PUF60: variants seen among roughly 807,000 people sequenced by gnomAD.
PUF60 encodes the protein poly(U)-binding-splicing factor PUF60.
Under a neutral mutation model 61.8 loss-of-function variants are expected in PUF60, and 10 were observed. The ratio of observed to expected loss-of-function variants is 0.16; its 90% CI spans 0.10 to 0.27. The LOEUF (loss-of-function observed/expected upper bound fraction) is 0.27, where lower values mean the gene tolerates loss of function less well. Ranked by LOEUF, PUF60 falls within the 10% of genes least tolerant of loss-of-function variation. The pLI is 1.00. For missense variants in PUF60, 371 were observed against 754.0 expected (o/e 0.49, Z 5.95); for synonymous variants, 353 against 300.9 (o/e 1.17, Z -1.79).
chr8:143,825,627 C>T lies in PUF60; in HGVS notation c.25-1228G>A, dbSNP rs1043268762. On this transcript the variant is annotated intron_variant, in intron 1 of 11. Coordinates refer to ENST00000526683, the MANE Select transcript of PUF60 (RefSeq NM_078480.3). Reference sequence around the variant, plus strand: ...AACCTCCGCCTCCTGGGACTCCAGGCATGCGCCGCCACACCTGGCTAATTT... The same window carrying T: ...AACCTCCGCCTCCTGGGACTCCAGGTATGCGCCGCCACACCTGGCTAATTT... Among the ~76,000 whole-genome samples the T allele has an allele frequency of 3.3e-5, 5 of 152,284 alleles. No homozygotes were observed. In the Middle Eastern group the frequency reaches 0.01, roughly 311 times the overall value.
rs1364716677 is a variant in PUF60 at position 143,818,424 on chromosome 8, G to A, written c.459C>T (p.Gly153=). ...DTIRQAFAPF[G]PIKSIDMSWD... is the part of the protein sequence containing the mutation. ...AGGACATGTCGATGCTCTTGATGGG[G>A]CCAAAGGGGGCAAAGGCCTGGCGGA... Residue 153 remains glycine (G), a synonymous_variant, in exon 6 of 12, where the codon GGC becomes GGT. Transcript: ENST00000526683. The surrounding 1 kb of genome is among the most constrained non-coding windows in gnomAD (Gnocchi z 7.9). The A allele has an allele frequency of 1.2e-6, 2 of 1,612,486 alleles. No individual in the cohort carries two copies. Among genetic ancestry groups the A allele is most frequent in the East Asian group, 4.5e-5 (2 of 44,872 alleles).
intron 5 of PUF60, chr8:143,819,049 G>A (rs1816712770): frequency 1.3e-5 from 2 of 155,514 alleles, no homozygotes; most frequent in Admixed American, 1.3e-4. Flanking sequence ...GCCAGATGGG[G>A]GCTCCCTGAA....
In PUF60 at chr8:143,829,310, T is replaced by C. The variant is rs1213235770; in HGVS notation, c.-7A>G. ...CTATGGTCGCCGTCGCCATCTTGCGTCCGTCGCGGCCTCCGCGCGCGCCTC... is the reference window on the plus strand; with the variant it reads ...CTATGGTCGCCGTCGCCATCTTGCGCCCGTCGCGGCCTCCGCGCGCGCCTC... On this transcript the variant is annotated 5_prime_UTR_variant, in exon 1 of 12. Coordinates refer to ENST00000526683, the MANE Select transcript of PUF60 (RefSeq NM_078480.3). 2 of 1,262,348 alleles carry C rather than the reference T, an allele frequency of 1.6e-6. No homozygotes were observed. The highest frequency in any genetic ancestry group is 5.8e-5 in the South Asian group (2 of 34,532). 78.2% of individuals were successfully genotyped at this position (1,262,348 alleles called of 1,614,324 possible). A position where few individuals can be genotyped will look rare whatever the true frequency, so the allele number is the denominator to read the frequency against.
chr8:143,817,583 G>A lies in PUF60; in HGVS notation c.1008+9C>T, dbSNP rs1385226778. On this transcript the variant is annotated intron_variant, in intron 9 of 11. Transcript: ENST00000526683. This position sits in a 1 kb window ranked among gnomAD's most constrained non-coding sequence, Gnocchi z 7.4. ...CCACCCTCAAGCCGACAGCTGTGTG[G>A]GCCCTCACCTGAGCTGTGATCTTGG... The A allele has an allele frequency of 1.2e-6, 2 of 1,610,958 alleles. No individual in the cohort carries two copies. The highest frequency in any genetic ancestry group is 3.3e-5 in the Admixed American group (2 of 59,868).
chr8:143,820,612 C>T, intron 5 of PUF60, 54 bp downstream of exon 5: 2 of 1,573,278 alleles, frequency 1.3e-6, no homozygotes, highest in Non-Finnish European at 1.7e-6. Flanking sequence ...CACTGCCCCC[C>T]TCTAGCCCTG....
At position 143,820,897 on chromosome 8, in the gene PUF60, C is replaced by T. The variant is rs571845834; in HGVS notation, c.298-181G>A. ...GGGGGCCGCAGCGCCCCATGTGCCCCGCCCTGCAGCCTTGCAGCTGGGCCG... is the reference window on the plus strand; with the variant it reads ...GGGGGCCGCAGCGCCCCATGTGCCCTGCCCTGCAGCCTTGCAGCTGGGCCG... On this transcript the variant is annotated intron_variant, in intron 4 of 11. Coordinates refer to ENST00000526683, the MANE Select transcript of PUF60 (RefSeq NM_078480.3). Among the ~76,000 whole-genome samples the T allele has an allele frequency of 5.9e-5, 9 of 152,264 alleles. No homozygotes were observed. In the South Asian group the frequency reaches 1.2e-3, roughly 21 times the overall value.
chr8:143,821,753 C>CTGCCCCT (rs1817043036), intron 3 of PUF60, 65 bp downstream of exon 3: 1 of 1,550,656 alleles, frequency 6.4e-7, no homozygotes, highest in African/African-American at 1.4e-5. Flanking sequence ...CCCCGCACCC[C>CTGCCCCT]GCCCCTGCCC....
chr8:143,817,404 T>C lies in PUF60; in HGVS notation c.1071A>G (p.Ala357=), dbSNP rs780683084. ...TGCCCAGGGGCTGGGCCAGGGTCAG[T>C]GCTGGGGACACCAGTCCAGGTGTGC... ...TLGTPGLVSP[A]LTLAQPLGTL... Residue 357 remains alanine (A), a synonymous_variant, in exon 10 of 12, where the codon GCA becomes GCG. Transcript: ENST00000526683. This position sits in a 1 kb window ranked among gnomAD's most constrained non-coding sequence, Gnocchi z 7.4. 3 of 1,601,498 alleles carry C rather than the reference T, an allele frequency of 1.9e-6. No individual in the cohort carries two copies. The highest frequency in any genetic ancestry group is 1.3e-5 in the African/African-American group (1 of 74,396).
rs1644483926 is a variant in PUF60 at position 143,818,821 on chromosome 8, G to A, written c.349-287C>T. 2 of 478,224 alleles carry A rather than the reference G, an allele frequency of 4.2e-6. No homozygotes were observed. The highest frequency in any genetic ancestry group is 5.3e-4 in the Middle Eastern group (1 of 1,900). The allele number at this position is 478,224 out of a possible 1,614,324, so 29.6% of individuals were successfully genotyped here. On this transcript the variant is annotated intron_variant, in intron 5 of 11. Transcript: ENST00000526683. This position sits in a 1 kb window ranked among gnomAD's most constrained non-coding sequence, Gnocchi z 7.9. ...CGACAGATGGTCAGGAGGCAGGGCT[G>A]TGCGCCCTCCCACCCAGACCACCCC... is the stretch of plus-strand genomic sequence containing the variant.
Position 143,817,062 on chromosome 8 carries a change from G to A in PUF60, c.1228C>T (p.Leu410=). 6.2e-7 allele frequency: 1 copy of A among 1,611,732 alleles called. No individual in the cohort carries two copies. Among genetic ancestry groups the A allele is most frequent in the Non-Finnish European group, 8.5e-7 (1 of 1,179,342 alleles). ...VNPILASPPT[L]GLLEPKKEKE... Reference sequence around the variant, plus strand: ...TCCTTCTTGGGCTCCAGGAGACCCAGCGTTGGAGGGCTGGCCAGGATGGGG... The same window carrying A: ...TCCTTCTTGGGCTCCAGGAGACCCAACGTTGGAGGGCTGGCCAGGATGGGG... The change falls in exon 11 of 12, where the codon CTG becomes TTG. Residue 410 remains leucine (L), a synonymous_variant. Transcript: ENST00000526683. This position sits in a 1 kb window ranked among gnomAD's most constrained non-coding sequence, Gnocchi z 7.4.
Position 143,818,890 on chromosome 8 carries a change from T to C in PUF60, c.349-356A>G. ...TATCCCAGGCTGGGCTGGGAGATCC[T>C]CCCACTGTCCCAGCCAAGGACCACG... On this transcript the variant is annotated intron_variant, in intron 5 of 11. Transcript: ENST00000526683. The surrounding 1 kb of genome is among the most constrained non-coding windows in gnomAD (Gnocchi z 7.9). 1 of 308,106 alleles carries C rather than the reference T, an allele frequency of 3.2e-6. No individual in the cohort carries two copies. The allele number at this position is 308,106 out of a possible 1,614,324, so 19.1% of individuals were successfully genotyped here. A position where few individuals can be genotyped will look rare whatever the true frequency, so the allele number is the denominator to read the frequency against.
rs772049123 is a variant in PUF60, at chr8:143,817,838, C to G, written c.817+24G>C. On this transcript the variant is annotated intron_variant, in intron 8 of 11. Coordinates refer to ENST00000526683, the MANE Select transcript of PUF60 (RefSeq NM_078480.3). The surrounding 1 kb of genome is among the most constrained non-coding windows in gnomAD (Gnocchi z 7.4). Reference sequence around the variant, plus strand: ...AGCCCCAGCCTCAGGTGGCCCCCATCCCGCCTCAGCCACCCCAGCTCACCA... The same window carrying G: ...AGCCCCAGCCTCAGGTGGCCCCCATGCCGCCTCAGCCACCCCAGCTCACCA... 2.5e-6 allele frequency: 4 copies of G among 1,608,982 alleles called. No individual in the cohort carries two copies. The South Asian group carries it at 4.4e-5, about 18-fold the overall frequency.
At chr8:143,828,753 T>C (rs537179844) in intron 1 of PUF60, among the ~76,000 whole-genome samples, 9 of 152,254 alleles carry the variant, frequency 5.9e-5, no homozygotes, top group South Asian at 2.1e-4. Context: ...GACAAGAGAA[T>C]GGAGATAACC....
At position 143,817,608 on chromosome 8, in the gene PUF60, G is replaced by A; in HGVS notation, c.992C>T (p.Ala331Val). The A allele has an allele frequency of 6.2e-7, 1 of 1,610,676 alleles. No individual in the cohort carries two copies. The highest frequency in any genetic ancestry group is 8.5e-7 in the Non-Finnish European group (1 of 1,179,470). Residue 331 changes from alanine to valine, a missense_variant, in exon 9 of 12, where the codon GCC (alanine) becomes GTC (valine). By Grantham distance (64) the Ala-to-Val change is moderately conservative. This residue lies in a region of PUF60 where 4 missense variants were observed against 27.8 expected (regional missense o/e 0.14). Coordinates refer to ENST00000526683, the MANE Select transcript of PUF60 (RefSeq NM_078480.3). This position sits in a 1 kb window ranked among gnomAD's most constrained non-coding sequence, Gnocchi z 7.4. ...GGCCCTCACCTGAGCTGTGATCTTGGCAGTGGCTGCAGCAGCTGCCACAGC... is the reference window on the plus strand; with the variant it reads ...GGCCCTCACCTGAGCTGTGATCTTGACAGTGGCTGCAGCAGCTGCCACAGC... ...AAAVAAAAAT[A>V]KITAQEAVAG...
In PUF60 at chr8:143,818,663, G is replaced by T; in HGVS notation, c.349-129C>A. ...AGGGCTCCCCACATGACAGGGAGGT[G>T]CGGGCTCCATCCCTGCAGTCATAGT... On this transcript the variant is annotated intron_variant, in intron 5 of 11. Coordinates refer to ENST00000526683, the MANE Select transcript of PUF60 (RefSeq NM_078480.3). The surrounding 1 kb of genome is among the most constrained non-coding windows in gnomAD (Gnocchi z 7.9). The T allele has an allele frequency of 9.9e-7, 1 of 1,007,206 alleles. No individual in the cohort carries two copies. Among genetic ancestry groups the T allele is most frequent in the Non-Finnish European group, 1.4e-6 (1 of 706,716 alleles). The allele number at this position is 1,007,206 out of a possible 1,614,324, so 62.4% of individuals were successfully genotyped here.
intron 2 of PUF60, among the ~76,000 whole-genome samples, chr8:143,823,591 C>G (rs893973626): frequency 2.0e-5 from 3 of 152,276 alleles, no homozygotes; most frequent in Non-Finnish European, 4.4e-5. Context: ...CCCAGTCCCA[C>G]CCCCTGAGTG....
intron 1 of PUF60, chr8:143,829,025 G>A: frequency 1.0e-6 from 1 of 1,000,008 alleles, no homozygotes; most frequent in Non-Finnish European, 1.2e-6. Context: ...CGCCCGCAAG[G>A]GCCACACGCC....
In PUF60 at chr8:143,817,162, C is replaced by T; in HGVS notation, c.1145-17G>A. On this transcript the variant is annotated splice_polypyrimidine_tract_variant and intron_variant, in intron 10 of 11. Transcript: ENST00000526683. This position sits in a 1 kb window ranked among gnomAD's most constrained non-coding sequence, Gnocchi z 7.4. ...GGGTCACACCTGCAGGAAAACCAAC[C>T]AGGTCCATCAGTCACTCCCTACCAC... 6.4e-7 allele frequency: 1 copy of T among 1,572,664 alleles called. No homozygotes were observed.
In PUF60 at chr8:143,821,853, G is replaced by A. The variant is rs1258236351; in HGVS notation, c.172C>T (p.Pro58Ser). 6.2e-7 allele frequency: 1 copy of A among 1,610,948 alleles called. No homozygotes were observed. The highest frequency in any genetic ancestry group is 1.3e-5 in the African/African-American group (1 of 74,908). The change falls in exon 3 of 12, where the codon CCC becomes TCC. Residue 58 changes from proline (P) to serine (S), a missense_variant. By Grantham distance (74) the Pro-to-Ser change is moderately conservative. Coordinates refer to ENST00000526683, the MANE Select transcript of PUF60 (RefSeq NM_078480.3). ...GCCTCCTGCTGCTCGGGCGTCAGGG[G>A]AGGCAGCCCCAGCTTGGCGGCTGTG... Reference protein sequence around the residue: ...QSTAAKLGLPPLTPEQQEALQ... With the variant: ...QSTAAKLGLPSLTPEQQEALQ...
Sources: gnomAD v4.1 joint callset for allele counts (sites outside exome capture counted in the v4.1 genomes callset) on GRCh38, gnomAD v4.1.1 for gene constraint, gnomAD v4.1.1 regional missense constraint, Gnocchi (gnomAD v3.1) non-coding constraint, MANE v1.5 for transcripts, NCBI Gene and HGNC (gene_info 2026-07-23, HGNC 2026-07-21) for gene names.